Variants in GNAS observed in about 807,000 individuals in gnomAD.
The protein encoded by GNAS is GNAS complex locus, also known as protein ALEX.
In GNAS, 8 loss-of-function variants were observed where a neutral mutation model predicts 54.5. The ratio of observed to expected loss-of-function variants is 0.15; its 90% CI spans 0.09 to 0.26. GNAS has a LOEUF of 0.26. Ranked by LOEUF, GNAS falls within the 10% of genes least tolerant of loss-of-function variation. The pLI is 1.00. For missense variants in GNAS, 170 were observed against 529.8 expected, an observed-to-expected ratio of 0.32 and a Z score of 6.67; for synonymous variants, 204 against 191.4, an observed-to-expected ratio of 1.07 and a Z score of -0.54.
intron 1 of GNAS, chr20:58,876,970 G>T (rs535331701): frequency 6.6e-6 from 1 of 152,338 alleles, no homozygotes; most frequent in Non-Finnish European, 1.5e-5. Context: ...ATTCTGCTTA[G>T]AACTCTGCTT....
chr20:58,904,519 T>C (rs903231186), intron 5 of GNAS, among the ~76,000 whole-genome samples: 10 of 152,158 alleles, frequency 6.6e-5, no homozygotes, highest in Admixed American at 2.0e-4. Flanking sequence ...GGCCCCTTCG[T>C]GGGGAGAATG....
chr20:58,889,228 C>CGGCG, upstream of GNAS: 1 of 1,206,898 alleles, frequency 8.3e-7, no homozygotes, highest in Middle Eastern at 3.6e-4. Context: ...CTGGCCGGCG[C>CGGCG]GGCGCTCCCC....
At position 58,880,864 on chromosome 20, in the gene GNAS, T is replaced by C. The variant is rs984816998; in HGVS notation, c.44-14748T>C. 3.3e-5 allele frequency among the ~76,000 whole-genome samples: 5 copies of C among 152,252 alleles called. No homozygotes were observed. The East Asian group carries it at 9.6e-4, about 29-fold the overall frequency. On this transcript the variant is annotated intron_variant, in intron 1 of 12. Transcript: ENST00000306090. Reference sequence around the variant, plus strand: ...CATAGTTTTTTGTTCTGTTTTGTTTTGTTTTTAAACAAAGTTCTCTTCTCT... The same window carrying C: ...CATAGTTTTTTGTTCTGTTTTGTTTCGTTTTTAAACAAAGTTCTCTTCTCT...
chr20:58,859,599 C>T (rs1428088945), intron 1 of GNAS, among the ~76,000 whole-genome samples: 1 of 151,716 alleles, frequency 6.6e-6, no homozygotes, highest in African/African-American at 2.4e-5. Context: ...GGCAAATAAA[C>T]CAAAAGCTCA....
intron 2 of GNAS, among the ~76,000 whole-genome samples, chr20:58,896,917 C>G (rs138841196): frequency 6.6e-6 from 1 of 152,174 alleles, no homozygotes; most frequent in Non-Finnish European, 1.5e-5. Context: ...AAAACCTTTA[C>G]TAGTCACTAA....
At chr20:58,898,739 C>T (rs767863686) in intron 2 of GNAS, 8 of 651,012 alleles carry the variant, frequency 1.2e-5, no homozygotes, top group Non-Finnish European at 2.0e-5. Flanking sequence ...TGGGATTCTT[C>T]CCCCATGGCC....
In GNAS at chr20:58,898,590, C is replaced by A. The variant is rs147136113; in HGVS notation, c.213-351C>A. The A allele has an allele frequency of 1.7e-3, 608 of 364,252 alleles. 3 individuals are homozygous for A. The highest frequency in any genetic ancestry group is 0.01 in the African/African-American group (499 of 49,666). 22.6% of individuals were successfully genotyped at this position (364,252 alleles called of 1,614,324 possible). Reference sequence around the variant, plus strand: ...GGAGCCTTATGCGCTGCCATATTCTCCAAAGAATTGTGAGATAAATCACTG... The same window carrying A: ...GGAGCCTTATGCGCTGCCATATTCTACAAAGAATTGTGAGATAAATCACTG... On this transcript the variant is annotated intron_variant, in intron 2 of 12. Coordinates refer to ENST00000371085, the MANE Select transcript of GNAS (RefSeq NM_000516.7).
chr20:58,850,697 G>A (rs984594103), intron 1 of GNAS: 14 of 398,812 alleles, frequency 3.5e-5, no homozygotes, highest in Non-Finnish European at 1.3e-5. Flanking sequence ...GGCTGGGTTA[G>A]CCTGCCGCCA....
intron 1 of GNAS, among the ~76,000 whole-genome samples, chr20:58,860,297 CTTT>C (rs559476652): frequency 2.2e-5 from 3 of 137,902 alleles, no homozygotes. Flanking sequence ...TACTGTTTTC[CTTT>C]TTTTTTTTTT....
intron 1 of GNAS, among the ~76,000 whole-genome samples, chr20:58,881,983 G>T (rs938770515): frequency 1.3e-5 from 2 of 152,162 alleles, no homozygotes; most frequent in African/African-American, 4.8e-5. Flanking sequence ...GAACCTAGAA[G>T]GGCTTTGTCC....
rs1397125218 is a variant in GNAS, at chr20:58,853,292, CAAT to C, written c.43+12411_43+12413del. The stretch of plus-strand genomic sequence containing the variant: ...TGGGCGTGCGCAACTGCCTCTACGG[CAAT>C]AATATGTCAGGACAACGCGATATCC... On this transcript the variant is annotated intron_variant, in intron 1 of 12. Coordinates refer to the GNAS transcript ENST00000306090. This position sits in a 1 kb window ranked among gnomAD's most constrained non-coding sequence, Gnocchi z 4.4. The C allele has an allele frequency of 6.5e-7, 1 of 1,549,418 alleles. No homozygotes were observed. The highest frequency in any genetic ancestry group is 8.7e-7 in the Non-Finnish European group (1 of 1,146,218).
chr20:58,886,843 T>G (rs2088622655), upstream of GNAS, among the ~76,000 whole-genome samples: 1 of 152,248 alleles, frequency 6.6e-6, no homozygotes, highest in Non-Finnish European at 1.5e-5. Context: ...CCACCTGCTG[T>G]CATTTATTTA....
intron 3 of GNAS, among the ~76,000 whole-genome samples, chr20:58,901,600 C>G (rs2090609931): frequency 6.6e-6 from 1 of 151,246 alleles, no homozygotes; most frequent in Non-Finnish European, 1.5e-5. Context: ...TGAGCGTGGC[C>G]CCTCTGAACT....
At chr20:58,870,942 A>T (rs922264226) in intron 1 of GNAS, among the ~76,000 whole-genome samples, 1 of 152,138 alleles carries the variant, frequency 6.6e-6, no homozygotes, top group Non-Finnish European at 1.5e-5. Flanking sequence ...GATTTTACTG[A>T]TCATTATCTC....
Position 58,857,151 on chromosome 20 carries a change from A to T in GNAS, c.43+16265A>T, listed in dbSNP as rs1385635316. ...TTTTTAAGGCTGCGCTACATTTGTT[A>T]AATATGTTAGAATGTGTGATGGTTT... On this transcript the variant is annotated intron_variant, in intron 1 of 12. Transcript: ENST00000306090. This position sits in a 1 kb window ranked among gnomAD's most constrained non-coding sequence, Gnocchi z 4.1. 2.0e-5 allele frequency: 3 copies of T among 152,200 alleles called. No individual in the cohort carries two copies. Among genetic ancestry groups the T allele is most frequent in the African/African-American group, 7.2e-5 (3 of 41,438 alleles). 9.4% of individuals were successfully genotyped at this position (152,200 alleles called of 1,614,324 possible). A position where few individuals can be genotyped will look rare whatever the true frequency, so the allele number is the denominator to read the frequency against.
chr20:58,897,450 C>T (rs1203891700), intron 2 of GNAS: 1 of 152,136 alleles, frequency 6.6e-6, no homozygotes, highest in Non-Finnish European at 1.5e-5. Context: ...TTGATGAAAA[C>T]TGGACATGGC....
intron 1 of GNAS, chr20:58,850,890 C>T: frequency 2.5e-6 from 1 of 398,792 alleles, no homozygotes; most frequent in Non-Finnish European, 4.4e-6. Context: ...GGCGTTCCAA[C>T]GCGGCGCCCC....
Position 58,903,755 on chromosome 20 carries a change from G to C in GNAS, c.396G>C (p.Leu132=). The stretch of plus-strand genomic sequence containing the variant: ...ACCAGTTCAGAGTGGACTACATCCT[G>C]AGTGTGATGAACGTGCCTGACTTTG... The part of the protein sequence containing the change: ...PENQFRVDYI[L]SVMNVPDFDF... The change falls in exon 5 of 13, where the codon CTG becomes CTC. Residue 132 remains leucine, a synonymous_variant. Transcript: ENST00000371085. The C allele has an allele frequency of 1.2e-6, 2 of 1,613,876 alleles. No individual in the cohort carries two copies. The highest frequency in any genetic ancestry group is 1.7e-6 in the Non-Finnish European group (2 of 1,179,880).
rs563771659 is a variant in GNAS at position 58,910,264 on chromosome 20, A to C, written c.971-70A>C. On this transcript the variant is annotated intron_variant, in intron 11 of 12. Coordinates refer to ENST00000371085, the MANE Select transcript of GNAS (RefSeq NM_000516.7). The surrounding 1 kb of genome is among the most constrained non-coding windows in gnomAD (Gnocchi z 5.8). ...CAGGGTTTTGAAGACTTCAGGAGCT[A>C]CAGAGATGCTAGCACCCCAGCTCTG... is the stretch of plus-strand genomic sequence containing the variant. The C allele has an allele frequency of 2.6e-3, 3,446 of 1,315,296 alleles. 12 individuals are homozygous for C. The highest frequency in any genetic ancestry group is 4.7e-3 in the South Asian group (397 of 85,202). 81.5% of individuals were successfully genotyped at this position (1,315,296 alleles called of 1,614,324 possible). A position where few individuals can be genotyped will look rare whatever the true frequency, so the allele number is the denominator to read the frequency against.
Sources: gnomAD v4.1 joint callset for allele counts (sites outside exome capture counted in the v4.1 genomes callset) on GRCh38, gnomAD v4.1.1 for gene constraint, Gnocchi (gnomAD v3.1) non-coding constraint, MANE v1.5 for transcripts, NCBI Gene and HGNC (gene_info 2026-07-23, HGNC 2026-07-21) for gene names.